The following PTK2 variants were observed in gnomAD, a reference collection of about 807,000 sequenced individuals.
The protein encoded by PTK2 is protein tyrosine kinase 2.
A neutral mutation model predicts 150.1 loss-of-function variants in PTK2; 45 were observed. The ratio of observed to expected loss-of-function variants is 0.30; its 90% confidence interval spans 0.24 to 0.38. PTK2 has a LOEUF of 0.38. Ranked by LOEUF, PTK2 falls within the 10% of genes least tolerant of loss-of-function variation. PTK2 has a pLI of 1.00. For missense variants in PTK2, 919 were observed against 1,307.3 expected, an observed-to-expected ratio of 0.70 and a Z score of 4.58; for synonymous variants, 432 against 449.2, an observed-to-expected ratio of 0.96 and a Z score of 0.48.
chr8:140,906,220 G>A (rs936645087), intron 2 of PTK2, among the ~76,000 whole-genome samples: 2 of 152,060 alleles, frequency 1.3e-5, no homozygotes, highest in African/African-American at 4.8e-5. Context: ...AAAATAACAA[G>A]TGCTGGCAAG....
intron 4 of PTK2, among the ~76,000 whole-genome samples, chr8:140,865,290 C>T (rs2100138648): frequency 6.6e-6 from 1 of 152,202 alleles, no homozygotes; most frequent in Admixed American, 6.5e-5. Flanking sequence ...TCTTGAACTC[C>T]TGGTCTCAAG....
At chr8:140,827,547 G>T (rs1393503842) in intron 8 of PTK2, among the ~76,000 whole-genome samples, 4 of 152,064 alleles carry the variant, frequency 2.6e-5, no homozygotes, top group African/African-American at 7.2e-5. Flanking sequence ...TTTTTTAGGG[G>T]GGTGGGGATG....
At chr8:140,850,936 T>A (rs779263908) in intron 5 of PTK2, among the ~76,000 whole-genome samples, 6 of 152,236 alleles carry the variant, frequency 3.9e-5, no homozygotes, top group Non-Finnish European at 7.3e-5. Flanking sequence ...ACTCAATGAT[T>A]TGGCTACCAC....
chr8:140,864,010 A>G (rs1210276587), intron 5 of PTK2, among the ~76,000 whole-genome samples: 5 of 152,242 alleles, frequency 3.3e-5, no homozygotes, highest in Non-Finnish European at 5.9e-5. Flanking sequence ...ATCTCTACCT[A>G]TGACAAATTC....
At chr8:140,949,476 C>T (rs369118871) in intron 1 of PTK2, among the ~76,000 whole-genome samples, 12 of 152,310 alleles carry the variant, frequency 7.9e-5, no homozygotes, top group African/African-American at 2.2e-4. Context: ...CTTAGGGGTC[C>T]GGGAAGCCCC....
At chr8:140,989,927 A>G (rs1403828519) in intron 1 of PTK2, among the ~76,000 whole-genome samples, 1 of 146,660 alleles carries the variant, frequency 6.8e-6, no homozygotes, top group Non-Finnish European at 1.5e-5. Context: ...AAAAAAAAAG[A>G]GCAACCTCAT....
chr8:140,893,304 C>CT (rs2100154856), intron 2 of PTK2, among the ~76,000 whole-genome samples: 1 of 152,012 alleles, frequency 6.6e-6, no homozygotes, highest in African/African-American at 2.4e-5. Flanking sequence ...GAAAGAGACC[C>CT]TGACATAAAA....
intron 4 of PTK2, among the ~76,000 whole-genome samples, chr8:140,867,118 A>C (rs1246333160): frequency 6.6e-6 from 1 of 152,200 alleles, no homozygotes; most frequent in Admixed American, 6.5e-5. Context: ...ACCCTTACCA[A>C]GTCATGATAG....
chr8:140,699,367 T>C (rs2154062935), intron 26 of PTK2, among the ~76,000 whole-genome samples: 1 of 152,278 alleles, frequency 6.6e-6, no homozygotes, highest in African/African-American at 2.4e-5. Flanking sequence ...TCCTTAGTTC[T>C]GAGGCTGAGG....
intron 12 of PTK2, among the ~76,000 whole-genome samples, chr8:140,794,973 T>C (rs2100090752): frequency 6.6e-6 from 1 of 152,150 alleles, no homozygotes; most frequent in Non-Finnish European, 1.5e-5. Flanking sequence ...CTTCCCATTG[T>C]TCAGGTGGAA....
chr8:140,787,770 A>AGT (rs976875913), intron 14 of PTK2, among the ~76,000 whole-genome samples: 5 of 152,332 alleles, frequency 3.3e-5, no homozygotes, highest in African/African-American at 9.6e-5. Context: ...CTGTGGAGAC[A>AGT]GTGTGTGGCA....
At chr8:140,716,523 T>C (rs2100039806) in intron 23 of PTK2, among the ~76,000 whole-genome samples, 1 of 152,206 alleles carries the variant, frequency 6.6e-6, no homozygotes, top group African/African-American at 2.4e-5. Context: ...GGGGCTGGTC[T>C]GAGGCACCCT....
intron 1 of PTK2, among the ~76,000 whole-genome samples, chr8:140,941,124 C>T (rs1453146305): frequency 1.3e-5 from 2 of 152,300 alleles, no homozygotes; most frequent in Middle Eastern, 3.4e-3. Context: ...CTGGGCTACA[C>T]CAACCGGAAC....
chr8:140,782,602 T>C (rs2100082465), intron 14 of PTK2, among the ~76,000 whole-genome samples: 1 of 152,162 alleles, frequency 6.6e-6, no homozygotes, highest in Non-Finnish European at 1.5e-5. Flanking sequence ...AAAAATGAAC[T>C]ACTTATATAA....
intron 4 of PTK2, among the ~76,000 whole-genome samples, chr8:140,871,113 T>C (rs1407328982): frequency 1.3e-5 from 2 of 152,226 alleles, no homozygotes; most frequent in Admixed American, 1.3e-4. Flanking sequence ...TGTCATGTTA[T>C]GGACAGACCA....
chr8:140,867,468 C>G (rs960175737), intron 4 of PTK2, among the ~76,000 whole-genome samples: 1 of 152,120 alleles, frequency 6.6e-6, no homozygotes, highest in African/African-American at 2.4e-5. Context: ...AGAAAAGGCA[C>G]CTATGTCTTA....
At chr8:140,687,975 A>G (rs2100020962) in intron 26 of PTK2, among the ~76,000 whole-genome samples, 1 of 152,166 alleles carries the variant, frequency 6.6e-6, no homozygotes, top group Non-Finnish European at 1.5e-5. Flanking sequence ...GGAAGTGGGT[A>G]AAGGAGCTCC....
chr8:140,921,431 T>C (rs1477070527), intron 2 of PTK2, among the ~76,000 whole-genome samples: 2 of 152,230 alleles, frequency 1.3e-5, no homozygotes, highest in African/African-American at 2.4e-5. Flanking sequence ...CTCAAACCTT[T>C]TTTGTTTTCA....
chr8:140,791,374 C>A (rs2100088314), intron 13 of PTK2, among the ~76,000 whole-genome samples: 1 of 152,162 alleles, frequency 6.6e-6, no homozygotes, highest in South Asian at 2.1e-4. Context: ...CCTTAACTTC[C>A]CACAACTAAA....
Sources: allele counts gnomAD v4.1 joint callset (sites outside exome capture counted in the v4.1 genomes callset), GRCh38; gene constraint gnomAD v4.1.1; transcripts MANE v1.5; gene names NCBI Gene and HGNC (gene_info 2026-07-23, HGNC 2026-07-21).